Variants in COG7 observed in about 807,000 individuals in gnomAD.
COG7 encodes the protein conserved oligomeric Golgi complex subunit 7.
COG7 carries 49 observed loss-of-function variants against 91.5 expected under a neutral mutation model. The observed-to-expected ratio is 0.54, with a 90% CI of 0.43 to 0.68. The LOEUF is 0.68. Among genes scored for constraint, COG7 ranks in the 30% least tolerant of loss-of-function variants. COG7 has a pLI of 0.00. For missense variants in COG7, 895 were observed against 961.3 expected (o/e 0.93, Z 0.91); for synonymous variants, 365 against 388.7 (o/e 0.94, Z 0.72).
At chr16:23,440,329 T>C (rs1048112338) in intron 4 of COG7, among the ~76,000 whole-genome samples, 1 of 148,226 alleles carries the variant, frequency 6.7e-6, no homozygotes, top group Non-Finnish European at 1.5e-5. Context: ...GCAGACATCA[T>C]GCCACTGCAC....
intron 16 of COG7, among the ~76,000 whole-genome samples, chr16:23,391,585 T>C (rs774925023): frequency 5.3e-5 from 8 of 152,214 alleles, no homozygotes; most frequent in Non-Finnish European, 7.3e-5. Flanking sequence ...TGAGCCTGGC[T>C]CAGCCCTGTG....
rs1596931386 is a variant in COG7 at position 23,418,564 on chromosome 16, G to A, written c.1137+136C>T. On this transcript the variant is annotated intron_variant, in intron 8 of 16. Coordinates refer to ENST00000307149, the MANE Select transcript of COG7 (RefSeq NM_153603.4). Reference sequence around the variant, plus strand: ...AATATATGGTCTCATTTTACATTGGGATTACAAGAGCCCACAAGTGCTTAA... The same window carrying A: ...AATATATGGTCTCATTTTACATTGGAATTACAAGAGCCCACAAGTGCTTAA... The A allele has an allele frequency of 4.1e-6, 3 of 731,040 alleles. No homozygotes were observed. In the East Asian group the frequency reaches 8.0e-5, roughly 19 times the overall value. 45.3% of individuals were successfully genotyped at this position (731,040 alleles called of 1,614,324 possible).
chr16:23,448,164 A>AT (rs1964211824), intron 1 of COG7, among the ~76,000 whole-genome samples: 1 of 152,240 alleles, frequency 6.6e-6, no homozygotes, highest in Non-Finnish European at 1.5e-5. Context: ...ATAAAAATAA[A>AT]TGAAGCTTTA....
chr16:23,416,730 C>A, intron 9 of COG7: 1 of 566,936 alleles, frequency 1.8e-6, no homozygotes, highest in Non-Finnish European at 3.1e-6. Context: ...CACAAGTTTC[C>A]CTCATATGAA....
At chr16:23,425,413 C>G (rs2142081859) in intron 6 of COG7, among the ~76,000 whole-genome samples, 1 of 152,258 alleles carries the variant, frequency 6.6e-6, no homozygotes, top group Admixed American at 6.5e-5. Flanking sequence ...CTCACTGCAG[C>G]CTTTAACTCC....
chr16:23,395,333 C>T (rs914056411), intron 14 of COG7, among the ~76,000 whole-genome samples: 37 of 152,152 alleles, frequency 2.4e-4, no homozygotes, highest in African/African-American at 8.0e-4. Flanking sequence ...CTCTGTACTA[C>T]AATAATTCCT....
chr16:23,412,858 G>C (rs566343050), intron 10 of COG7: 1 of 154,058 alleles, frequency 6.5e-6, no homozygotes, highest in South Asian at 2.0e-4. Flanking sequence ...GCTAATTTTT[G>C]TATTTTTAGT....
intron 14 of COG7, among the ~76,000 whole-genome samples, chr16:23,393,959 T>C (rs1963242154): frequency 1.3e-5 from 2 of 151,416 alleles, no homozygotes; most frequent in Admixed American, 6.6e-5. Context: ...GAAAATCACT[T>C]GAACTCGGCG....
At chr16:23,403,094 G>A (rs1017736953) in intron 13 of COG7, among the ~76,000 whole-genome samples, 1 of 152,216 alleles carries the variant, frequency 6.6e-6, no homozygotes, top group Non-Finnish European at 1.5e-5. Context: ...TCTGGAGCAG[G>A]GGAAAGACAG....
intron 9 of COG7, chr16:23,416,130 A>T (rs975637730): frequency 6.6e-6 from 1 of 152,158 alleles, no homozygotes; most frequent in Admixed American, 6.6e-5. Context: ...TCTTGGATTC[A>T]GCAATTTTTA....
At chr16:23,424,224 G>A (rs1413395498) in intron 7 of COG7, among the ~76,000 whole-genome samples, 1 of 150,252 alleles carries the variant, frequency 6.7e-6, no homozygotes, top group Non-Finnish European at 1.5e-5. Flanking sequence ...TTGAACCTAG[G>A]AGGTGGAGGT....
chr16:23,448,773 C>T (rs1964219958), intron 1 of COG7, among the ~76,000 whole-genome samples: 1 of 152,138 alleles, frequency 6.6e-6, no homozygotes, highest in Non-Finnish European at 1.5e-5. Context: ...TGGGTTCAGT[C>T]CAGGCTCTCC....
rs1470236864 is a variant in COG7, at chr16:23,424,767, C to T, written c.991G>A (p.Ala331Thr). Reference protein sequence around the residue: ...TAHFAKGLEMALLPHLHEHNL... With the variant: ...TAHFAKGLEMTLLPHLHEHNL... ...TGTTTACGTAGGTGGGGGAGCAGTGCCATCTCCAAGCCCTTGGCGAAGTGG... is the reference window on the plus strand; with the variant it reads ...TGTTTACGTAGGTGGGGGAGCAGTGTCATCTCCAAGCCCTTGGCGAAGTGG... Residue 331 changes from alanine to threonine, a missense_variant, in exon 7 of 17, where the codon GCA becomes ACA. By Grantham distance (58) the Ala-to-Thr change is moderately conservative. Coordinates refer to ENST00000307149, the MANE Select transcript of COG7 (RefSeq NM_153603.4). 4 of 1,614,198 alleles carry T rather than the reference C, an allele frequency of 2.5e-6. No individual in the cohort carries two copies. The South Asian group carries it at 4.4e-5, about 18-fold the overall frequency.
At chr16:23,392,205 T>G (rs1298445292) in intron 16 of COG7, 175 bp downstream of exon 16, 26 of 1,499,642 alleles carry the variant, frequency 1.7e-5, no homozygotes, top group Non-Finnish European at 2.0e-5. Flanking sequence ...TCTTGCTAAG[T>G]CAGAATCTCT....
chr16:23,397,218 T>C (rs190301195), intron 14 of COG7, among the ~76,000 whole-genome samples: 28 of 152,230 alleles, frequency 1.8e-4, no homozygotes, highest in Admixed American at 2.0e-4. Flanking sequence ...CTAACATTTA[T>C]AATACTTCTA....
intron 4 of COG7, among the ~76,000 whole-genome samples, chr16:23,435,134 C>T (rs573422169): frequency 1.3e-5 from 2 of 152,260 alleles, no homozygotes; most frequent in South Asian, 2.1e-4. Context: ...GAGGCTAAGG[C>T]AGGCGGATCA....
intron 1 of COG7, among the ~76,000 whole-genome samples, chr16:23,451,179 C>T (rs1043047622): frequency 6.6e-6 from 1 of 151,952 alleles, no homozygotes; most frequent in African/African-American, 2.4e-5. Context: ...GGGGAAAGAG[C>T]GAGACTTCGT....
chr16:23,431,084 G>A (rs1963927183), intron 6 of COG7, among the ~76,000 whole-genome samples: 1 of 152,124 alleles, frequency 6.6e-6, no homozygotes, highest in Non-Finnish European at 1.5e-5. Context: ...GACAGAGACA[G>A]GGATAGACAG....
chr16:23,394,927 T>TC (rs1354271531), intron 14 of COG7: 2 of 152,052 alleles, frequency 1.3e-5, no homozygotes, highest in Non-Finnish European at 2.9e-5. Flanking sequence ...TGCCTCAGCC[T>TC]CCCGAGTAGC....
Sources: gnomAD v4.1 joint callset for allele counts (sites outside exome capture counted in the v4.1 genomes callset) on GRCh38, gnomAD v4.1.1 for gene constraint, MANE v1.5 for transcripts, NCBI Gene and HGNC (gene_info 2026-07-23, HGNC 2026-07-21) for gene names.